Variants in EPHA4 observed in about 807,000 individuals in gnomAD.
EPHA4 encodes the protein EPH receptor A4.
Under a neutral mutation model 108.3 loss-of-function variants are expected in EPHA4, and 19 were observed. The observed-to-expected ratio is 0.18, with a 90% CI of 0.12 to 0.26. The LOEUF is 0.26. Ranked by LOEUF, EPHA4 falls within the 10% of genes least tolerant of loss-of-function variation. The pLI is 1.00. For synonymous variants in EPHA4, 449 were observed against 455.5 expected (o/e 0.99, Z 0.18); for missense variants, 917 against 1,254.0 (o/e 0.73, Z 4.06).
At chr2:221,548,076 G>T (rs1273849210) in intron 3 of EPHA4, among the ~76,000 whole-genome samples, 1 of 152,186 alleles carries the variant, frequency 6.6e-6, no homozygotes, top group Non-Finnish European at 1.5e-5. Context: ...TGGAGGTGGG[G>T]CCTGGTGGGA....
Position 221,442,740 on chromosome 2 carries a change from C to A in EPHA4, c.2074+89G>T, listed in dbSNP as rs765098488. The A allele has an allele frequency of 2.1e-5, 29 of 1,365,340 alleles. 1 individual carries two copies. The African/African-American group carries it at 3.9e-4, about 18-fold the overall frequency. The allele number at this position is 1,365,340 out of a possible 1,614,324, so 84.6% of individuals were successfully genotyped here. The stretch of plus-strand genomic sequence containing the variant: ...CTCCTATTAGCAATCAGTGGGTCTG[C>A]GCCATCTGTCATTTCCCTGGAAAGA... On this transcript the variant is annotated intron_variant, in intron 11 of 17. Transcript: ENST00000281821.
chr2:221,438,076 A>G (rs1690301901), intron 11 of EPHA4, among the ~76,000 whole-genome samples: 1 of 152,176 alleles, frequency 6.6e-6, no homozygotes, highest in South Asian at 2.1e-4. Context: ...CAAACAAACA[A>G]AAACCCCAGA....
At chr2:221,453,528 G>A (rs1296751238) in intron 8 of EPHA4, among the ~76,000 whole-genome samples, 1 of 152,008 alleles carries the variant, frequency 6.6e-6, no homozygotes, top group Admixed American at 6.6e-5. Flanking sequence ...TCAAATACCA[G>A]GGAAGGAAAG....
At chr2:221,535,395 T>C (rs926458429) in intron 3 of EPHA4, among the ~76,000 whole-genome samples, 8 of 152,312 alleles carry the variant, frequency 5.3e-5, no homozygotes, top group African/African-American at 1.9e-4. Context: ...CAGAAAGCAC[T>C]TACCTTCCAC....
chr2:221,448,312 C>T (rs1293872176), intron 8 of EPHA4, among the ~76,000 whole-genome samples: 2 of 152,162 alleles, frequency 1.3e-5, no homozygotes, highest in East Asian at 3.9e-4. Context: ...TGTGAAAGCC[C>T]TGATCCAGCC....
chr2:221,429,407 A>T (rs1195087983), intron 15 of EPHA4, among the ~76,000 whole-genome samples: 1 of 152,158 alleles, frequency 6.6e-6, no homozygotes, highest in African/African-American at 2.4e-5. Context: ...ATTCATCTGC[A>T]TGCTTTATAA....
At chr2:221,456,480 A>G in intron 7 of EPHA4, 133 bp downstream of exon 7, 3 of 801,644 alleles carry the variant, frequency 3.7e-6, no homozygotes, top group African/African-American at 3.5e-5. Flanking sequence ...ACTTATTTCA[A>G]GACATATTCA....
rs1443537232 is a variant in EPHA4, at chr2:221,443,525, G to T, written c.1856C>A (p.Ser619Tyr). Residue 619 changes from serine to tyrosine, a missense_variant, in exon 10 of 18, where the codon TCC becomes TAC. Physicochemically the swap from Ser to Tyr is moderately radical, Grantham distance 144. Coordinates refer to ENST00000281821, the MANE Select transcript of EPHA4 (RefSeq NM_004438.5). ...TATAACTTTTTCAATCTTAATGCAG[G>T]ATGCGTCAATTTCTTTGGCAAACTC... The part of the protein sequence containing the change: ...VREFAKEIDA[S>Y]CIKIEKVIGV... 2 of 1,613,722 alleles carry T rather than the reference G, an allele frequency of 1.2e-6. No individual in the cohort carries two copies. The highest frequency in any genetic ancestry group is 1.7e-6 in the Non-Finnish European group (2 of 1,179,918).
rs766995541 is a variant in EPHA4, at chr2:221,434,106, A to G, written c.2496+36T>C. The G allele has an allele frequency of 7.6e-6, 12 of 1,586,142 alleles. No individual in the cohort carries two copies. The South Asian group carries it at 1.2e-4, about 15-fold the overall frequency. On this transcript the variant is annotated intron_variant, in intron 14 of 17. Transcript: ENST00000281821. ...GTAATGCAGAACTTCCTGAATCTCA[A>G]TGTGAAAAAATATATTTCAGAACAT...
At chr2:221,448,275 C>T (rs1046970508) in intron 8 of EPHA4, among the ~76,000 whole-genome samples, 1 of 152,082 alleles carries the variant, frequency 6.6e-6, no homozygotes, top group African/African-American at 2.4e-5. Flanking sequence ...AGGATCACCA[C>T]GTGCTCTCCT....
intron 4 of EPHA4, among the ~76,000 whole-genome samples, chr2:221,485,269 C>T (rs1030439629): frequency 2.6e-5 from 4 of 152,100 alleles, no homozygotes; most frequent in Non-Finnish European, 5.9e-5. Context: ...AGAGATATAG[C>T]ACTTCCACGT....
upstream of EPHA4, chr2:221,573,843 C>A (rs1276978063): frequency 6.6e-6 from 1 of 152,280 alleles, no homozygotes; most frequent in Non-Finnish European, 1.5e-5. This position sits in a 1 kb window ranked among gnomAD's most constrained non-coding sequence, Gnocchi z 4.5. Flanking sequence ...ACTAGGGCTA[C>A]TCCTACCGTG....
chr2:221,430,043 G>C lies in EPHA4; in HGVS notation c.2605C>G (p.Pro869Ala), dbSNP rs780769305. The C allele has an allele frequency of 2.5e-6, 4 of 1,613,934 alleles. No individual in the cohort carries two copies. In the African/African-American group the frequency reaches 4.0e-5, roughly 16 times the overall value. The stretch of plus-strand genomic sequence containing the variant: ...ATGTTGACAATCTGCCCAAATTTAG[G>C]CCTGTCGCTCCTCTCCTTCTGCCAG... The part of the protein sequence containing the change: ...DCWQKERSDR[P>A]KFGQIVNMLD... Residue 869 changes from proline (P) to alanine (A), a missense_variant, in exon 15 of 18, where the codon CCT becomes GCT. Transcript: ENST00000281821.
rs564826175 is a variant in EPHA4 at position 221,427,866 on chromosome 2, TTTC to T, written c.2691-1250_2691-1248del. ...ATCTAAATTGACTTGACTTGTATTA[TTTC>T]TTTTTTATATAAATATTTTAACAAA... On this transcript the variant is annotated intron_variant, in intron 15 of 17. Coordinates refer to ENST00000281821, the MANE Select transcript of EPHA4 (RefSeq NM_004438.5). 3.0e-3 allele frequency among the ~76,000 whole-genome samples: 457 copies of T among 152,324 alleles called. 4 individuals are homozygous for T. Among genetic ancestry groups the T allele is most frequent in the African/African-American group, 0.01 (425 of 41,578 alleles).
intron 5 of EPHA4, among the ~76,000 whole-genome samples, chr2:221,476,402 G>GT (rs1457919514): frequency 6.6e-6 from 1 of 152,054 alleles, no homozygotes; most frequent in Non-Finnish European, 1.5e-5. Flanking sequence ...TGTCCTTTCT[G>GT]TTTTTAGGGA....
chr2:221,469,029 T>C lies in EPHA4; in HGVS notation c.1319-11039A>G, dbSNP rs1691399972. On this transcript the variant is annotated intron_variant, in intron 5 of 17. Transcript: ENST00000281821. ...ATCAATGGGCAAAACATTAATATAC[T>C]AGTAATACTAACGATCTCTTCCAAC... Among the ~76,000 whole-genome samples the C allele has an allele frequency of 2.0e-5, 3 of 152,364 alleles. No individual in the cohort carries two copies. In the South Asian group the frequency reaches 6.2e-4, roughly 32 times the overall value.
At chr2:221,458,361 A>G (rs192056162) in intron 5 of EPHA4, among the ~76,000 whole-genome samples, 2 of 152,278 alleles carry the variant, frequency 1.3e-5, no homozygotes, top group Admixed American at 6.5e-5. Context: ...AAGCTCAGTA[A>G]AGCTACATCT....
intron 10 of EPHA4, among the ~76,000 whole-genome samples, 169 bp from the exon 11 acceptor site, chr2:221,443,183 C>T (rs1457173863): frequency 3.3e-5 from 5 of 152,098 alleles, no homozygotes; most frequent in African/African-American, 9.7e-5. Context: ...CTACTATTAG[C>T]CCCATTTTAT....
At chr2:221,468,367 G>A (rs149294981) in intron 5 of EPHA4, among the ~76,000 whole-genome samples, 1 of 152,148 alleles carries the variant, frequency 6.6e-6, no homozygotes, top group African/African-American at 2.4e-5. Flanking sequence ...ACAGAAAAGA[G>A]AAAGGAAAGG....
Sources: gnomAD v4.1 joint callset for allele counts (sites outside exome capture counted in the v4.1 genomes callset) on GRCh38, gnomAD v4.1.1 for gene constraint, Gnocchi (gnomAD v3.1) non-coding constraint, MANE v1.5 for transcripts, NCBI Gene and HGNC (gene_info 2026-07-23, HGNC 2026-07-21) for gene names.